The following PCIF1 variants were observed in gnomAD, a reference collection of about 807,000 sequenced individuals.
PCIF1 encodes phosphorylated CTD interacting factor 1, also known as mRNA (2'-O-methyladenosine-N(6)-)-methyltransferase.
A neutral mutation model predicts 86.9 loss-of-function variants in PCIF1; 12 were observed. That is an observed-to-expected ratio of 0.14 (90% CI 0.09 to 0.22). PCIF1 has a LOEUF of 0.22. Ranked by LOEUF, PCIF1 falls within the 10% of genes least tolerant of loss-of-function variation. The pLI, the probability that PCIF1 is intolerant of heterozygous loss-of-function variation, is 1.00. For missense variants in PCIF1, 701 were observed against 951.1 expected (o/e 0.74, Z 3.46); for synonymous variants, 397 against 372.0 (o/e 1.07, Z -0.77).
intron 1 of PCIF1, among the ~76,000 whole-genome samples, chr20:45,935,111 G>T: frequency 6.6e-6 from 1 of 151,552 alleles, no homozygotes; most frequent in East Asian, 2.0e-4. Context: ...GCGGCGGGGC[G>T]GGGGGCGGAG....
At chr20:45,940,719 C>T (rs1312429985) in intron 5 of PCIF1, 90 bp from the exon 6 acceptor site, 17 of 1,569,282 alleles carry the variant, frequency 1.1e-5, no homozygotes, top group Non-Finnish European at 1.4e-5. Context: ...GGAGGGGGGC[C>T]TGGGACACAG....
At chr20:45,938,888 T>G in intron 2 of PCIF1, 93 bp from the exon 3 acceptor site, 1 of 1,522,312 alleles carries the variant, frequency 6.6e-7, no homozygotes, top group Non-Finnish European at 8.9e-7. Flanking sequence ...ATTGGATTTC[T>G]CCACATCGGT....
rs1463404421 is a variant in PCIF1, at chr20:45,947,094, A to G, written c.1635A>G (p.Pro545=). The G allele has an allele frequency of 9.3e-6, 15 of 1,612,910 alleles. No homozygotes were observed. Among genetic ancestry groups the G allele is most frequent in the Non-Finnish European group, 1.1e-5 (13 of 1,179,190 alleles). The change falls in exon 15 of 17, where the codon CCA becomes CCG. Residue 545 remains proline (P), a synonymous_variant. Coordinates refer to ENST00000372409, the MANE Select transcript of PCIF1 (RefSeq NM_022104.4). The surrounding 1 kb of genome is among the most constrained non-coding windows in gnomAD (Gnocchi z 5.4). ...CCAGGCCCTGCCTAGACTTTGCTCC[A>G]CTGAGTGGTTCATTTGAGGCCAACC... The part of the protein sequence containing the change: ...GSRGPCLDFA[P]LSGSFEANPP...
intron 1 of PCIF1, among the ~76,000 whole-genome samples, chr20:45,937,013 C>G (rs1555839305): frequency 7.7e-6 from 1 of 129,154 alleles, no homozygotes; most frequent in Non-Finnish European, 1.7e-5. Flanking sequence ...TTTTGAACTC[C>G]TAGCCCAGCT....
Position 45,946,254 on chromosome 20 carries a change from G to A in PCIF1, c.1483G>A (p.Val495Met), listed in dbSNP as rs769259496. Residue 495 changes from valine (V) to methionine (M), a missense_variant, in exon 14 of 17, where the codon GTG becomes ATG. By Grantham distance (21) the Val-to-Met change is conservative. Coordinates refer to ENST00000372409, the MANE Select transcript of PCIF1 (RefSeq NM_022104.4). ...EGTGLQGSLP[V>M]HVFEALHRLF... ...GACTGGCCTGCAGGGATCGCTGCCT[G>A]TGCATGTCTTTGAGGCCCTCCACCG... The A allele has an allele frequency of 6.2e-7, 1 of 1,614,096 alleles. No individual in the cohort carries two copies. The highest frequency in any genetic ancestry group is 1.1e-5 in the South Asian group (1 of 91,094).
rs945333123 is a variant in PCIF1, at chr20:45,943,336, G to A, written c.822-4G>A. 1.7e-5 allele frequency: 27 copies of A among 1,614,022 alleles called. No homozygotes were observed. In the Middle Eastern group the frequency reaches 4.9e-4, roughly 30 times the overall value. On this transcript the variant is annotated splice_region_variant and splice_polypyrimidine_tract_variant and intron_variant, in intron 8 of 16. Coordinates refer to ENST00000372409, the MANE Select transcript of PCIF1 (RefSeq NM_022104.4). This position sits in a 1 kb window ranked among gnomAD's most constrained non-coding sequence, Gnocchi z 5.5. ...CCTCTAACTCTGCCCACTCTGAAAC[G>A]CAGGTTATCCCGAATCAAGTTCCGG...
Position 45,934,784 on chromosome 20 carries a change from C to T in PCIF1, c.-208C>T, listed in dbSNP as rs543875916. ...TCGAGCAGAACGTGTAGCCGCGTCC[C>T]CTCCAGTCCGCTCCGGGCAGGTAAG... On this transcript the variant is annotated 5_prime_UTR_variant, in exon 1 of 17. Transcript: ENST00000372409. 16 of 398,322 alleles carry T rather than the reference C, an allele frequency of 4.0e-5. No individual in the cohort carries two copies. In the South Asian group the frequency reaches 6.4e-4, roughly 16 times the overall value. 24.7% of individuals were successfully genotyped at this position (398,322 alleles called of 1,614,324 possible). A position where few individuals can be genotyped will look rare whatever the true frequency, so the allele number is the denominator to read the frequency against.
Position 45,947,677 on chromosome 20 carries a change from C to T in PCIF1, c.2037C>T (p.Ser679=), listed in dbSNP as rs774046278. 8.1e-5 allele frequency: 130 copies of T among 1,611,242 alleles called. No individual in the cohort carries two copies. The highest frequency in any genetic ancestry group is 1.1e-4 in the Non-Finnish European group (130 of 1,178,916). Residue 679 remains serine, a synonymous_variant, in exon 17 of 17, where the codon TCC becomes TCT. Transcript: ENST00000372409. This position sits in a 1 kb window ranked among gnomAD's most constrained non-coding sequence, Gnocchi z 5.4. ...GCCGCAGCCACAGCTCTGGTTCTTC[C>T]TCATCGTCCTCCTCGGAGGCCAAGG... ...QSGRSHSSGS[S]SSSSSEAKDR... is the part of the protein sequence containing the mutation.
Position 45,945,874 on chromosome 20 carries a change from C to T in PCIF1, c.1332C>T (p.Phe444=). ...GEMVKVSRNY[F]SKLWLLYRYS... Reference sequence around the variant, plus strand: ...TGGTCAAGGTCAGCCGCAACTACTTCAGCAAGCTGGTAAGAGCTGCGGGGA... The same window carrying T: ...TGGTCAAGGTCAGCCGCAACTACTTTAGCAAGCTGGTAAGAGCTGCGGGGA... The change falls in exon 12 of 17, where the codon TTC becomes TTT. Residue 444 remains phenylalanine (F), a synonymous_variant. Transcript: ENST00000372409. 2.5e-6 allele frequency: 4 copies of T among 1,613,826 alleles called. No homozygotes were observed. Among genetic ancestry groups the T allele is most frequent in the Non-Finnish European group, 3.4e-6 (4 of 1,180,014 alleles).
chr20:45,935,124 C>G (rs2083408651), intron 1 of PCIF1, among the ~76,000 whole-genome samples: 1 of 151,276 alleles, frequency 6.6e-6, no homozygotes. Flanking sequence ...GGGCGGAGCC[C>G]GAGAGATGGG....
chr20:45,935,769 A>G (rs2083419826), intron 1 of PCIF1, among the ~76,000 whole-genome samples: 1 of 151,526 alleles, frequency 6.6e-6, no homozygotes, highest in Admixed American at 6.6e-5. Flanking sequence ...TGTGTGCCTC[A>G]CCTCCGTATT....
At chr20:45,945,052 A>C in intron 11 of PCIF1, 22 bp downstream of exon 11, 1 of 1,583,706 alleles carries the variant, frequency 6.3e-7, no homozygotes, top group Non-Finnish European at 8.6e-7. Flanking sequence ...GTGAAGGAGG[A>C]GCCAGCTGTG....
chr20:45,947,286 G>A lies in PCIF1; in HGVS notation c.1731G>A (p.Glu577=). ...HFERLLESSP[E]PLSFIVFIPE... ...AGAGACTGCTTGAGAGCTCACCGGA[G>A]CCCCTGTCCTTCATCGTGTTCATCC... Residue 577 remains glutamate, a synonymous_variant, in exon 16 of 17, where the codon GAG becomes GAA. Coordinates refer to ENST00000372409, the MANE Select transcript of PCIF1 (RefSeq NM_022104.4). This position sits in a 1 kb window ranked among gnomAD's most constrained non-coding sequence, Gnocchi z 5.4. 6.2e-7 allele frequency: 1 copy of A among 1,613,420 alleles called. No individual in the cohort carries two copies. Among genetic ancestry groups the A allele is most frequent in the Non-Finnish European group, 8.5e-7 (1 of 1,179,492 alleles).
intron 14 of PCIF1, 127 bp downstream of exon 14, chr20:45,946,511 T>C: frequency 8.7e-7 from 1 of 1,146,042 alleles, no homozygotes. Context: ...TCTTACCGGC[T>C]ATGTGACCTT....
At chr20:45,938,191 C>G (rs971220945) in intron 2 of PCIF1, among the ~76,000 whole-genome samples, 1 of 152,170 alleles carries the variant, frequency 6.6e-6, no homozygotes, top group Non-Finnish European at 1.5e-5. Context: ...AGGAACTGGC[C>G]TCCTTGCTGG....
In PCIF1 at chr20:45,947,582, C is replaced by T. The variant is rs1374270862; in HGVS notation, c.1942C>T (p.Pro648Ser). ...GGCTGTGCTCTTCCTACAGAACGACCCTGGCTTTGCCAAGTGGGCGCCGAC... is the reference window on the plus strand; with the variant it reads ...GGCTGTGCTCTTCCTACAGAACGACTCTGGCTTTGCCAAGTGGGCGCCGAC... ...NTAVLFLQND[P>S]GFAKWAPTPE... Residue 648 changes from proline (P) to serine (S), a missense_variant, in exon 17 of 17, where the codon CCT (proline) becomes TCT (serine). Physicochemically the swap from Pro to Ser is moderately conservative, Grantham distance 74. Around this residue, in one of 7 missense-constraint regions of PCIF1, gnomAD observed 174 missense variants for 206.9 expected, o/e 0.84. Transcript: ENST00000372409. This position sits in a 1 kb window ranked among gnomAD's most constrained non-coding sequence, Gnocchi z 5.4. 1.2e-6 allele frequency: 2 copies of T among 1,613,436 alleles called. No homozygotes were observed. Among genetic ancestry groups the T allele is most frequent in the African/African-American group, 1.3e-5 (1 of 74,944 alleles).
chr20:45,945,068 G>A lies in PCIF1; in HGVS notation c.1168+38G>A, dbSNP rs116079075. 7.1e-4 allele frequency: 1,101 copies of A among 1,555,940 alleles called. 7 individuals carry two copies. In the African/African-American group the frequency reaches 0.013, roughly 18 times the overall value. Reference sequence around the variant, plus strand: ...TGAAGGAGGAGCCAGCTGTGATGCCGTCAGCTCTATACCCTGATGGAAGGG... The same window carrying A: ...TGAAGGAGGAGCCAGCTGTGATGCCATCAGCTCTATACCCTGATGGAAGGG... On this transcript the variant is annotated intron_variant, in intron 11 of 16. Transcript: ENST00000372409.
At position 45,943,008 on chromosome 20, in the gene PCIF1, T is replaced by C; in HGVS notation, c.674-89T>C. On this transcript the variant is annotated intron_variant, in intron 7 of 16. Coordinates refer to ENST00000372409, the MANE Select transcript of PCIF1 (RefSeq NM_022104.4). The surrounding 1 kb of genome is among the most constrained non-coding windows in gnomAD (Gnocchi z 5.5). ...TGAAGTGGGACTGTGTCTTGCTTAC[T>C]GCTGAATGCGATGCTTCCTATACGT... The C allele has an allele frequency of 7.4e-7, 1 of 1,356,976 alleles. No homozygotes were observed. The highest frequency in any genetic ancestry group is 2.4e-5 in the East Asian group (1 of 41,330). The allele number at this position is 1,356,976 out of a possible 1,614,324, so 84.1% of individuals were successfully genotyped here.
In PCIF1 at chr20:45,947,650, A is replaced by G. The variant is rs1430377087; in HGVS notation, c.2010A>G (p.Ser670=). The G allele has an allele frequency of 6.2e-7, 1 of 1,612,370 alleles. No homozygotes were observed. The highest frequency in any genetic ancestry group is 8.5e-7 in the Non-Finnish European group (1 of 1,179,904). ...AGCTGAGTGCTGCCTACCGGCAGTCAGGCCGCAGCCACAGCTCTGGTTCTT... is the reference window on the plus strand; with the variant it reads ...AGCTGAGTGCTGCCTACCGGCAGTCGGGCCGCAGCCACAGCTCTGGTTCTT... ...LQELSAAYRQ[S]GRSHSSGSSS... Residue 670 remains serine, a synonymous_variant, in exon 17 of 17, where the codon TCA becomes TCG. Transcript: ENST00000372409. This position sits in a 1 kb window ranked among gnomAD's most constrained non-coding sequence, Gnocchi z 5.4.
Sources: gnomAD v4.1 joint callset for allele counts (sites outside exome capture counted in the v4.1 genomes callset) on GRCh38, gnomAD v4.1.1 for gene constraint, gnomAD v4.1.1 regional missense constraint, Gnocchi (gnomAD v3.1) non-coding constraint, MANE v1.5 for transcripts, NCBI Gene and HGNC (gene_info 2026-07-23, HGNC 2026-07-21) for gene names.